Variants in IFT56 observed in about 807,000 individuals in gnomAD.
IFT56 encodes the protein intraflagellar transport 56.
At chr7:139,168,442 G>A in the IFT56 span, 10 of 1,450,704 alleles carry the variant, frequency 6.9e-6, no homozygotes, top group Admixed American at 1.0e-4. Context: ...AAAGTTATAA[G>A]TGTATGGAAG....
the IFT56 span, among the ~76,000 whole-genome samples, chr7:139,182,086 G>T: frequency 1.3e-5 from 2 of 152,074 alleles, no homozygotes; most frequent in Admixed American, 6.6e-5. Flanking sequence ...GTGCATGCTG[G>T]GGTGTGTGTG....
the IFT56 span, among the ~76,000 whole-genome samples, chr7:139,160,658 G>A: frequency 1.7e-4 from 26 of 152,184 alleles, no homozygotes; most frequent in Non-Finnish European, 3.2e-4. Context: ...ACATGGTCTC[G>A]ATCTGTTGAC....
the IFT56 span, chr7:139,168,699 A>T: frequency 2.7e-6 from 1 of 364,740 alleles, no homozygotes; most frequent in Non-Finnish European, 5.2e-6. Flanking sequence ...TCTTATTTGC[A>T]GCGACTTTTT....
chr7:139,143,944 C>G, the IFT56 span, among the ~76,000 whole-genome samples: 837 of 152,176 alleles, frequency 5.5e-3, 10 homozygotes, highest in African/African-American at 0.02. Context: ...AATTAAAGGA[C>G]CTTAGATCAT....
At chr7:139,178,416 A>G in the IFT56 span, 1 of 1,421,516 alleles carries the variant, frequency 7.0e-7, no homozygotes, top group South Asian at 1.2e-5. Context: ...AGTGGCATCA[A>G]CTAATCCTTA....
the IFT56 span, chr7:139,191,850 A>T: frequency 6.6e-6 from 1 of 152,220 alleles, no homozygotes. Context: ...AGTTTCTGGC[A>T]TCAGTGTACT....
the IFT56 span, chr7:139,181,028 C>G: frequency 2.1e-5 from 21 of 999,732 alleles, no homozygotes; most frequent in Admixed American, 4.6e-4. Context: ...TAATAAGGTG[C>G]AGAAATTATT....
the IFT56 span, among the ~76,000 whole-genome samples, chr7:139,160,433 CT>C: frequency 0.23 from 31,577 of 138,302 alleles, 6,194 homozygotes; most frequent in African/African-American, 0.54. Context: ...AGTCACTTAA[CT>C]TTTTTTTTTT....
At chr7:139,174,092 G>A in the IFT56 span, 20 of 600,632 alleles carry the variant, frequency 3.3e-5, no homozygotes, top group East Asian at 5.2e-4. Flanking sequence ...CTGCTCAGGC[G>A]AGCTACAGCT....
the IFT56 span, among the ~76,000 whole-genome samples, chr7:139,170,674 C>CA: frequency 6.6e-5 from 10 of 152,080 alleles, no homozygotes. Flanking sequence ...AAAATCCCCC[C>CA]AAAAACTGAG....
the IFT56 span, among the ~76,000 whole-genome samples, chr7:139,159,417 GT>G: frequency 2.6e-5 from 4 of 151,886 alleles, no homozygotes; most frequent in African/African-American, 9.7e-5. Flanking sequence ...TTATATAACT[GT>G]TTTTTTATTT....
chr7:139,134,566 C>G, the IFT56 span: 1 of 1,432,864 alleles, frequency 7.0e-7, no homozygotes, highest in Non-Finnish European at 9.3e-7. Flanking sequence ...CTGTGCCCGG[C>G]CTTGACTTAT....
At chr7:139,141,090 C>T in the IFT56 span, among the ~76,000 whole-genome samples, 1 of 151,396 alleles carries the variant, frequency 6.6e-6, no homozygotes, top group Non-Finnish European at 1.5e-5. Context: ...GAAACCCCGT[C>T]TCTACTAAAA....
chr7:139,174,350 G>A, the IFT56 span: 5 of 525,774 alleles, frequency 9.5e-6, no homozygotes. Context: ...AAGACAGAAA[G>A]TGTAGTCCAG....
At chr7:139,186,593 G>A in the IFT56 span, among the ~76,000 whole-genome samples, 1 of 152,096 alleles carries the variant, frequency 6.6e-6, no homozygotes, top group Admixed American at 6.5e-5. Context: ...GTTTAGAATA[G>A]TAGTCAGTAT....
chr7:139,147,285 T>C, the IFT56 span: 6 of 1,604,990 alleles, frequency 3.7e-6, no homozygotes, highest in South Asian at 1.1e-5. Context: ...TACTGCTAGA[T>C]AACAGGTCTG....
the IFT56 span, among the ~76,000 whole-genome samples, chr7:139,137,078 A>G: frequency 6.6e-6 from 1 of 152,182 alleles, no homozygotes; most frequent in Non-Finnish European, 1.5e-5. Flanking sequence ...GAAATTCTAT[A>G]GTGATGCTCC....
At chr7:139,189,294 C>G in the IFT56 span, 1 of 1,488,110 alleles carries the variant, frequency 6.7e-7, no homozygotes, top group South Asian at 1.2e-5. Flanking sequence ...CATTGAAACA[C>G]TTTGTCTTTT....
the IFT56 span, chr7:139,187,511 C>T: frequency 1.9e-6 from 3 of 1,614,118 alleles, no homozygotes; most frequent in Non-Finnish European, 2.5e-6. Flanking sequence ...GGGCATTTTC[C>T]AGATGATCAT....
Sources: gnomAD v4.1 joint callset for allele counts (sites outside exome capture counted in the v4.1 genomes callset) on GRCh38, gnomAD v4.1.1 for gene constraint, MANE v1.5 for transcripts, NCBI Gene and HGNC (gene_info 2026-07-23, HGNC 2026-07-21) for gene names.